COL4A4: variants seen among roughly 807,000 people sequenced by gnomAD.
The protein encoded by COL4A4 is collagen type IV alpha 4 chain, also known as collagen alpha-4(IV) chain.
A neutral mutation model predicts 192.9 loss-of-function variants in COL4A4; 105 were observed. The observed-to-expected ratio is 0.54, with a 90% confidence interval of 0.46 to 0.64. COL4A4 has a LOEUF of 0.64. COL4A4 is among the 30% of genes least tolerant of loss of function. COL4A4 has a pLI of 0.00. For missense variants in COL4A4, 1,967 were observed against 2,169.3 expected (o/e 0.91, Z 1.85); for synonymous variants, 762 against 769.9 (o/e 0.99, Z 0.17).
intron 44 of COL4A4, among the ~76,000 whole-genome samples, chr2:227,017,494 C>T (rs1189705563): frequency 1.3e-5 from 2 of 152,240 alleles, no homozygotes; most frequent in Non-Finnish European, 2.9e-5. Flanking sequence ...ACAACCCTAA[C>T]AGGGTGTGGG....
intron 44 of COL4A4, among the ~76,000 whole-genome samples, chr2:227,013,550 G>A (rs547552363): frequency 1.3e-5 from 2 of 152,160 alleles, no homozygotes; most frequent in South Asian, 2.1e-4. Context: ...GAGAGGCCAC[G>A]TGAGGACACA....
At chr2:227,045,561 G>GGAGTTT (rs1446585073) in intron 35 of COL4A4, among the ~76,000 whole-genome samples, 2 of 151,762 alleles carry the variant, frequency 1.3e-5, no homozygotes, top group Non-Finnish European at 2.9e-5. Flanking sequence ...CTTGAGGCCA[G>GGAGTTT]GAGTTTGAGA....
At chr2:227,011,283 C>T (rs904989351) in intron 45 of COL4A4, among the ~76,000 whole-genome samples, 2 of 151,734 alleles carry the variant, frequency 1.3e-5, no homozygotes, top group Non-Finnish European at 2.9e-5. Context: ...CTGGCAGGCT[C>T]TCCCCATCTA....
At chr2:227,017,834 G>A (rs1965230852) in intron 44 of COL4A4, among the ~76,000 whole-genome samples, 1 of 152,148 alleles carries the variant, frequency 6.6e-6, no homozygotes, top group South Asian at 2.1e-4. Flanking sequence ...AGGGGTACGT[G>A]TGAAGTTTGT....
At chr2:227,067,561 T>A (rs2058425568) in intron 25 of COL4A4, among the ~76,000 whole-genome samples, 1 of 151,952 alleles carries the variant, frequency 6.6e-6, no homozygotes, top group Non-Finnish European at 1.5e-5. Flanking sequence ...GGATTAAGAA[T>A]CTCACTCAAA....
chr2:227,025,753 A>C (rs1228697695), intron 43 of COL4A4, 49 bp downstream of exon 43: 17 of 1,550,956 alleles, frequency 1.1e-5, no homozygotes, highest in African/African-American at 1.4e-5. Context: ...TACAGAAATG[A>C]CTAGAAACCA....
chr2:227,048,281 T>C (rs751413441), intron 34 of COL4A4, among the ~76,000 whole-genome samples: 3 of 152,136 alleles, frequency 2.0e-5, no homozygotes, highest in Non-Finnish European at 4.4e-5. Flanking sequence ...ACCAGCACCT[T>C]GTGGAAGTCT....
At chr2:227,101,357 A>G in intron 17 of COL4A4, 147 bp downstream of exon 17, 1 of 693,036 alleles carries the variant, frequency 1.4e-6, no homozygotes. Flanking sequence ...AAAACAGACT[A>G]ATGTAACAAT....
At chr2:227,155,857 GTAAT>G (rs759602666) in intron 1 of COL4A4, among the ~76,000 whole-genome samples, 1 of 152,086 alleles carries the variant, frequency 6.6e-6, no homozygotes, top group East Asian at 1.9e-4. Context: ...CATCATATAA[GTAAT>G]TAATTAATTA....
intron 45 of COL4A4, 124 bp from the exon 46 acceptor site, chr2:227,010,625 C>T: frequency 1.4e-6 from 1 of 693,694 alleles, no homozygotes; most frequent in East Asian, 2.7e-5. Context: ...TGACTCAGCC[C>T]CTCCTCGCCT....
chr2:227,147,143 T>C (rs2063597874), intron 2 of COL4A4, among the ~76,000 whole-genome samples: 1 of 152,198 alleles, frequency 6.6e-6, no homozygotes, highest in South Asian at 2.1e-4. Flanking sequence ...TGTCTTTTGC[T>C]ATTCAAACCT....
intron 38 of COL4A4, 73 bp downstream of exon 38, chr2:227,033,337 C>T: frequency 7.8e-7 from 1 of 1,281,972 alleles, no homozygotes; most frequent in South Asian, 1.2e-5. Context: ...GCAGAAATAC[C>T]AGGGAGGGTA....
At chr2:226,992,975 A>G in the COL4A4 span, among the ~76,000 whole-genome samples, 1 of 152,210 alleles carries the variant, frequency 6.6e-6, no homozygotes, top group Admixed American at 6.5e-5. Context: ...GGCTTTATAA[A>G]GAAGAGTGTG....
downstream of COL4A4, among the ~76,000 whole-genome samples, chr2:226,999,441 G>A (rs1243402303): frequency 1.3e-5 from 2 of 152,138 alleles, no homozygotes; most frequent in Non-Finnish European, 2.9e-5. Flanking sequence ...ATTCCCACAC[G>A]ACCAAGAAGT....
chr2:226,995,467 A>G, the COL4A4 span: 10 of 1,613,330 alleles, frequency 6.2e-6, no homozygotes, highest in Non-Finnish European at 8.5e-6. Context: ...TACGGGTTTC[A>G]TCTCTCACCA....
In COL4A4 at chr2:227,118,497, C is replaced by T. The variant is rs2061606383; in HGVS notation, c.489+148G>A. 4.4e-6 allele frequency: 3 copies of T among 679,288 alleles called. No homozygotes were observed. In the East Asian group the frequency reaches 7.8e-5, roughly 18 times the overall value. The allele number at this position is 679,288 out of a possible 1,614,324, so 42.1% of individuals were successfully genotyped here. ...TGCATGTTCTAAGTCCTGCCTATCT[C>T]TCTGTCCTTATCCCCCAGCCACTCC... is the stretch of plus-strand genomic sequence containing the variant. On this transcript the variant is annotated intron_variant, in intron 7 of 47. Transcript: ENST00000396625.
intron 4 of COL4A4, among the ~76,000 whole-genome samples, chr2:227,130,763 G>A (rs999869120): frequency 2.6e-5 from 4 of 152,020 alleles, no homozygotes; most frequent in Admixed American, 2.6e-4. Flanking sequence ...ACTCATGATC[G>A]CCCCTGAAAC....
Position 227,098,812 on chromosome 2 carries a change from T to C in COL4A4, c.1100-14A>G. The C allele has an allele frequency of 6.3e-7, 1 of 1,595,072 alleles. No homozygotes were observed. The highest frequency in any genetic ancestry group is 8.6e-7 in the Non-Finnish European group (1 of 1,162,802). ...CCCCTGGTGGGCCTGCCAAAGATAA[T>C]GGTACATGAGAATAAACAAATGGTA... On this transcript the variant is annotated splice_polypyrimidine_tract_variant and intron_variant, in intron 18 of 47. Transcript: ENST00000396625.
chr2:227,034,376 A>G (rs1969102311), intron 37 of COL4A4, among the ~76,000 whole-genome samples: 1 of 152,126 alleles, frequency 6.6e-6, no homozygotes, highest in Admixed American at 6.5e-5. Flanking sequence ...GAAAGCAGGT[A>G]AGGAATATTT....
Sources: allele counts gnomAD v4.1 joint callset (sites outside exome capture counted in the v4.1 genomes callset), GRCh38; gene constraint gnomAD v4.1.1; transcripts MANE v1.5; gene names NCBI Gene and HGNC (gene_info 2026-07-23, HGNC 2026-07-21).